USP43: variants seen among roughly 807,000 people sequenced by gnomAD.
USP43 encodes ubiquitin carboxyl-terminal hydrolase 43.
In USP43, 33 loss-of-function variants were observed where a neutral mutation model predicts 90.7. The observed-to-expected ratio is 0.36, with a 90% CI of 0.28 to 0.49. The LOEUF (loss-of-function observed/expected upper bound fraction) is 0.49, where lower values mean the gene tolerates loss of function less well. USP43 is among the 20% of genes least tolerant of loss of function. The probability of loss-of-function intolerance (pLI) is 0.98; values close to 1 mark genes in which losing one functional copy is unlikely to be tolerated. For synonymous variants in USP43, 598 were observed against 615.8 expected (o/e 0.97, Z 0.43); for missense variants, 1,274 against 1,476.4 (o/e 0.86, Z 2.25).
At chr17:9,703,683 G>A (rs1915707694) in intron 12 of USP43, among the ~76,000 whole-genome samples, 1 of 152,246 alleles carries the variant, frequency 6.6e-6, no homozygotes, top group Non-Finnish European at 1.5e-5. Context: ...CCCTGGGTAA[G>A]ACCTGGGCCA....
chr17:9,662,405 C>T (rs1269536821), intron 2 of USP43, among the ~76,000 whole-genome samples: 2 of 152,192 alleles, frequency 1.3e-5, no homozygotes, highest in Non-Finnish European at 2.9e-5. Flanking sequence ...CATGCCCATC[C>T]CAAACCCACG....
At position 9,645,712 on chromosome 17, in the gene USP43, TG is replaced by T; in HGVS notation, c.81del (p.Phe28SerfsTer76). 1 of 1,334,598 alleles carries T rather than the reference TG, an allele frequency of 7.5e-7. No individual in the cohort carries two copies. Among genetic ancestry groups the T allele is most frequent in the South Asian group, 2.0e-5 (1 of 50,006 alleles). 82.7% of individuals were successfully genotyped at this position (1,334,598 alleles called of 1,614,324 possible). On this transcript the variant is annotated frameshift_variant, in exon 1 of 15. Coordinates refer to ENST00000285199, the MANE Select transcript of USP43 (RefSeq NM_153210.5). LOFTEE classifies it high-confidence loss of function. This position sits in a 1 kb window ranked among gnomAD's most constrained non-coding sequence, Gnocchi z 6.8. Reference sequence around the variant, plus strand: ...CGCCGCCGCCGCTCCCTGCGCCGCCTGTTCAGCCGCTTCCTGCTGGCGCTGG... The same window carrying T: ...CGCCGCCGCCGCTCCCTGCGCCGCCTTTCAGCCGCTTCCTGCTGGCGCTGG... ...RPRRRRSLRR[L>X]FSRFLLALGS...
chr17:9,647,365 T>C (rs979741597), intron 1 of USP43: 2 of 152,156 alleles, frequency 1.3e-5, no homozygotes, highest in Non-Finnish European at 2.9e-5. Context: ...TTTGGTGACA[T>C]TTGCTTTTTA....
rs376910036 is a variant in USP43 at position 9,728,179 on chromosome 17, C to T, written c.2561C>T (p.Thr854Met). Residue 854 changes from threonine (T) to methionine (M), a missense_variant, in exon 15 of 15, where the codon ACG becomes ATG. Thr to Met is a moderately conservative substitution (Grantham distance 81). This residue lies in a region of USP43 where 285 missense variants were observed against 349.6 expected (regional missense o/e 0.82). Transcript: ENST00000285199. This position sits in a 1 kb window ranked among gnomAD's most constrained non-coding sequence, Gnocchi z 6.2. ...STSQSIVSLL[T>M]GTAGEDEKSA... ...AGCCAGTCCATTGTGTCGCTGTTGA[C>T]GGGCACTGCGGGTGAGGATGAGAAG... 1.6e-4 allele frequency: 251 copies of T among 1,613,918 alleles called. No individual in the cohort carries two copies. The highest frequency in any genetic ancestry group is 3.3e-4 in the Middle Eastern group (2 of 6,062).
At chr17:9,700,395 G>T in intron 10 of USP43, 146 bp downstream of exon 10, 1 of 682,462 alleles carries the variant, frequency 1.5e-6, no homozygotes. Flanking sequence ...TGAGATGCCT[G>T]AGTGAGAATT....
intron 3 of USP43, among the ~76,000 whole-genome samples, chr17:9,670,039 CTTTT>C (rs148536442): frequency 7.6e-6 from 1 of 131,546 alleles, no homozygotes; most frequent in Non-Finnish European, 1.6e-5. Flanking sequence ...GAGGTGACTG[CTTTT>C]TTTTTTTTTT....
At chr17:9,711,572 G>A (rs1916197864) in intron 13 of USP43, among the ~76,000 whole-genome samples, 1 of 152,036 alleles carries the variant, frequency 6.6e-6, no homozygotes, top group South Asian at 2.1e-4. Context: ...AGGATTTACA[G>A]GCGCCCACCA....
intron 1 of USP43, chr17:9,647,728 A>T (rs112997547): frequency 0.027 from 4,044 of 151,810 alleles, 176 homozygotes; most frequent in African/African-American, 0.091. Context: ...AAATTGGCCG[A>T]GCGCGGTGGC....
At chr17:9,700,940 C>T (rs1915528168) in intron 10 of USP43, among the ~76,000 whole-genome samples, 179 bp from the exon 11 acceptor site, 1 of 152,114 alleles carries the variant, frequency 6.6e-6, no homozygotes, top group African/African-American at 2.4e-5. Context: ...AGAGAGAATT[C>T]CAGTAAAATA....
chr17:9,686,737 G>T lies in USP43; in HGVS notation c.1242-61G>T. 1 of 1,454,654 alleles carries T rather than the reference G, an allele frequency of 6.9e-7. No homozygotes were observed. Among genetic ancestry groups the T allele is most frequent in the South Asian group, 1.2e-5 (1 of 83,832 alleles). 90.1% of individuals were successfully genotyped at this position (1,454,654 alleles called of 1,614,324 possible). On this transcript the variant is annotated intron_variant, in intron 7 of 14. Transcript: ENST00000285199. This position sits in a 1 kb window ranked among gnomAD's most constrained non-coding sequence, Gnocchi z 5.5. ...AGCCAGGGTTAGAACAACCACTCAT[G>T]ACTGGTGGATGTTGCTGGTTTTTCC... is the stretch of plus-strand genomic sequence containing the variant.
At chr17:9,648,841 CTCTT>C (rs373515349) in intron 1 of USP43, among the ~76,000 whole-genome samples, 5 of 152,080 alleles carry the variant, frequency 3.3e-5, no homozygotes, top group African/African-American at 7.2e-5. Flanking sequence ...CTTTTCCTTT[CTCTT>C]TCTGTTTCTC....
chr17:9,712,047 G>A lies in USP43; in HGVS notation c.2250G>A (p.Leu750=), dbSNP rs1249939234. 1 of 1,612,896 alleles carries A rather than the reference G, an allele frequency of 6.2e-7. No homozygotes were observed. Among genetic ancestry groups the A allele is most frequent in the Non-Finnish European group, 8.5e-7 (1 of 1,179,372 alleles). ...SHAGSTRGSL[L]SWSSAPCPSL... Reference sequence around the variant, plus strand: ...CTGGCAGCACAAGGGGAAGCCTGCTGTCCTGGAGCTCTGCCCCCTGCCCCT... The same window carrying A: ...CTGGCAGCACAAGGGGAAGCCTGCTATCCTGGAGCTCTGCCCCCTGCCCCT... The change falls in exon 14 of 15, where the codon CTG becomes CTA. Residue 750 remains leucine, a synonymous_variant. Coordinates refer to ENST00000285199, the MANE Select transcript of USP43 (RefSeq NM_153210.5).
At chr17:9,652,776 G>A (rs1042964623) in intron 1 of USP43, among the ~76,000 whole-genome samples, 45 of 152,048 alleles carry the variant, frequency 3.0e-4, no homozygotes, top group Admixed American at 3.9e-4. Flanking sequence ...AAAGAACAAT[G>A]TTCACTGTTA....
chr17:9,686,821 G>A lies in USP43; in HGVS notation c.1265G>A (p.Arg422Lys). The A allele has an allele frequency of 6.2e-7, 1 of 1,613,934 alleles. No homozygotes were observed. Among genetic ancestry groups the A allele is most frequent in the Non-Finnish European group, 8.5e-7 (1 of 1,179,862 alleles). ...AGGTTTGGGCCACCCTTCCTGATAA[G>A]GGAAGACAGAGCTGTTTCCTGGGCC... ...ASRFGPPFLI[R>K]EDRAVSWAQL... Residue 422 changes from arginine (R) to lysine (K), a missense_variant, in exon 8 of 15, where the codon AGG becomes AAG. Arg to Lys is a conservative substitution (Grantham distance 26). Coordinates refer to ENST00000285199, the MANE Select transcript of USP43 (RefSeq NM_153210.5). The surrounding 1 kb of genome is among the most constrained non-coding windows in gnomAD (Gnocchi z 5.5).
At chr17:9,719,900 C>T (rs753498113) in intron 14 of USP43, among the ~76,000 whole-genome samples, 14 of 152,224 alleles carry the variant, frequency 9.2e-5, no homozygotes, top group Non-Finnish European at 1.6e-4. Context: ...AACCCTGTCT[C>T]TACTAAAAAT....
At chr17:9,722,876 CT>C (rs1284736374) in intron 14 of USP43, among the ~76,000 whole-genome samples, 64 of 152,138 alleles carry the variant, frequency 4.2e-4, no homozygotes, top group Non-Finnish European at 7.5e-4. Flanking sequence ...CAGCACTTAG[CT>C]TTATGTGACA....
In USP43 at chr17:9,700,307, G is replaced by A. The variant is rs770705607; in HGVS notation, c.1535+58G>A. The A allele has an allele frequency of 2.5e-4, 382 of 1,518,470 alleles. 1 individual carries two copies. Among genetic ancestry groups the A allele is most frequent in the Non-Finnish European group, 3.3e-4 (371 of 1,118,542 alleles). The allele number at this position is 1,518,470 out of a possible 1,614,324, so 94.1% of individuals were successfully genotyped here. ...TGAGACAGGGCCTGTGTGTGCCCAGGTTTCCCTGGACGCAGCTTCCCCCAG... is the reference window on the plus strand; with the variant it reads ...TGAGACAGGGCCTGTGTGTGCCCAGATTTCCCTGGACGCAGCTTCCCCCAG... On this transcript the variant is annotated intron_variant, in intron 10 of 14. Transcript: ENST00000285199.
rs976007307 is a variant in USP43, at chr17:9,692,045, A to G, written c.1354-1082A>G. 2.6e-5 allele frequency among the ~76,000 whole-genome samples: 4 copies of G among 151,388 alleles called. No homozygotes were observed. In the East Asian group the frequency reaches 7.8e-4, roughly 29 times the overall value. On this transcript the variant is annotated intron_variant, in intron 8 of 14. Transcript: ENST00000285199. ...CGACAGAGCGAGACTCCATCTCGAA[A>G]AAAAAAGAAAATTAAAACAAATTTA...
chr17:9,664,466 C>T (rs1442957800), intron 2 of USP43, among the ~76,000 whole-genome samples: 1 of 152,148 alleles, frequency 6.6e-6, no homozygotes, highest in Admixed American at 6.5e-5. Flanking sequence ...TCACTGCCTG[C>T]CTGTTCTTCT....
Sources: allele counts gnomAD v4.1 joint callset (sites outside exome capture counted in the v4.1 genomes callset), GRCh38; gene constraint gnomAD v4.1.1; regional missense constraint gnomAD v4.1.1; non-coding constraint Gnocchi (gnomAD v3.1); transcripts MANE v1.5; gene names NCBI Gene and HGNC (gene_info 2026-07-23, HGNC 2026-07-21).